The following TTLL5 variants were observed in gnomAD, a reference collection of about 807,000 sequenced individuals.
The protein encoded by TTLL5 is tubulin polyglutamylase TTLL5.
TTLL5 carries 132 observed loss-of-function variants against 168.4 expected under a neutral mutation model. The ratio of observed to expected loss-of-function variants is 0.78; its 90% CI spans 0.68 to 0.91. The LOEUF (loss-of-function observed/expected upper bound fraction) is 0.91. Ranked by LOEUF, TTLL5 falls within the 40% of genes least tolerant of loss-of-function variation. The pLI, the probability that TTLL5 is intolerant of heterozygous loss-of-function variation, is 0.00. For missense variants in TTLL5, 1,545 were observed against 1,581.5 expected (o/e 0.98, Z 0.39); for synonymous variants, 546 against 558.6 (o/e 0.98, Z 0.32).
intron 26 of TTLL5, among the ~76,000 whole-genome samples, chr14:75,791,502 A>G (rs1943617870): frequency 6.6e-6 from 1 of 152,072 alleles, no homozygotes; most frequent in African/African-American, 2.4e-5. Flanking sequence ...ATTATCTGGT[A>G]TTTTGTTTGT....
At chr14:75,727,839 C>T in intron 12 of TTLL5, 3 of 504,194 alleles carry the variant, frequency 6.0e-6, no homozygotes, top group Non-Finnish European at 1.2e-5. Flanking sequence ...AGAAATAAGA[C>T]TAGTCGTTGT....
chr14:75,773,903 A>ATACATATATATATATAT (rs1194006811), intron 21 of TTLL5, among the ~76,000 whole-genome samples: 3 of 74,732 alleles, frequency 4.0e-5, no homozygotes, highest in African/African-American at 1.3e-4. Flanking sequence ...AAAAAAAAAA[A>ATACATATATATATATAT]ATACATATAT....
At chr14:75,769,005 G>A (rs1195994304) in intron 20 of TTLL5, among the ~76,000 whole-genome samples, 2 of 152,196 alleles carry the variant, frequency 1.3e-5, no homozygotes, top group Non-Finnish European at 2.9e-5. Context: ...AGTTAGACAA[G>A]TGTTTTTTCA....
chr14:75,775,450 CT>C lies in TTLL5; in HGVS notation c.2137-25del, dbSNP rs555833874. ...CTTCTGTTGCTTAGCACCATCCCTC[CT>C]TTTTTTTTCTCCCACGACTCTTTAA... On this transcript the variant is annotated intron_variant, in intron 21 of 31. Coordinates refer to ENST00000298832, the MANE Select transcript of TTLL5 (RefSeq NM_015072.5). 4.2e-5 allele frequency: 67 copies of C among 1,584,932 alleles called. No individual in the cohort carries two copies. The Middle Eastern group carries it at 5.5e-4, about 13-fold the overall frequency.
chr14:75,673,738 C>G (rs1171672121), intron 3 of TTLL5, among the ~76,000 whole-genome samples: 1 of 152,050 alleles, frequency 6.6e-6, no homozygotes, highest in South Asian at 2.1e-4. Context: ...TTGTCTTGTC[C>G]CTTAATAAGT....
At chr14:75,681,330 A>G (rs905754596) in intron 3 of TTLL5, among the ~76,000 whole-genome samples, 23 of 152,342 alleles carry the variant, frequency 1.5e-4, no homozygotes, top group African/African-American at 5.1e-4. Context: ...GAAACTAGTG[A>G]AAACCAAGGT....
chr14:75,907,760 C>T lies in TTLL5; in HGVS notation c.3823+5536C>T, dbSNP rs28641824. Among the ~76,000 whole-genome samples, 610 of 152,340 alleles carry T rather than the reference C, an allele frequency of 4.0e-3. 3 individuals are homozygous for T. Among genetic ancestry groups the T allele is most frequent in the African/African-American group, 0.014 (594 of 41,582 alleles). On this transcript the variant is annotated intron_variant, in intron 31 of 31. Transcript: ENST00000298832. ...TTTTGGTAATTCTTAGCCAATGGCCCTTTAATTCTGATACTAAGCAGCCTG... is the reference window on the plus strand; with the variant it reads ...TTTTGGTAATTCTTAGCCAATGGCCTTTTAATTCTGATACTAAGCAGCCTG...
chr14:75,758,580 G>A (rs1211561432), intron 18 of TTLL5, among the ~76,000 whole-genome samples: 2 of 152,118 alleles, frequency 1.3e-5, no homozygotes, highest in Non-Finnish European at 2.9e-5. Flanking sequence ...ATTTTATATT[G>A]CCATCAATAG....
At chr14:75,665,371 A>T (rs1309152166) in intron 2 of TTLL5, among the ~76,000 whole-genome samples, 1 of 152,190 alleles carries the variant, frequency 6.6e-6, no homozygotes, top group Non-Finnish European at 1.5e-5. Context: ...GGTCGGGGGT[A>T]CTGGGAAGCA....
At chr14:75,875,245 C>T (rs1178116926) in intron 29 of TTLL5, among the ~76,000 whole-genome samples, 1 of 148,040 alleles carries the variant, frequency 6.8e-6, no homozygotes, top group Non-Finnish European at 1.5e-5. Context: ...TATTTTTTAA[C>T]TCAAAAATCT....
At chr14:75,930,761 A>C (rs2034250856) in intron 31 of TTLL5, 1 of 483,370 alleles carries the variant, frequency 2.1e-6, no homozygotes, top group South Asian at 8.9e-5. Flanking sequence ...ATTAAGTTCT[A>C]AGATCAACCT....
At chr14:75,816,842 G>A (rs1894441343) in intron 27 of TTLL5, among the ~76,000 whole-genome samples, 1 of 152,054 alleles carries the variant, frequency 6.6e-6, no homozygotes, top group South Asian at 2.1e-4. Context: ...AGGAGTACAG[G>A]GAGTCTGGTT....
At chr14:75,766,793 G>A (rs1890989064) in intron 20 of TTLL5, among the ~76,000 whole-genome samples, 1 of 152,134 alleles carries the variant, frequency 6.6e-6, no homozygotes, top group African/African-American at 2.4e-5. Flanking sequence ...TTTGAATCAG[G>A]CCTTGACAGA....
intron 9 of TTLL5, among the ~76,000 whole-genome samples, chr14:75,716,482 G>A (rs1020686827): frequency 6.6e-6 from 1 of 152,196 alleles, no homozygotes; most frequent in African/African-American, 2.4e-5. Context: ...AGAAGAAACA[G>A]AGAAGAGGAA....
chr14:75,736,658 C>G (rs1027136956), intron 15 of TTLL5, among the ~76,000 whole-genome samples: 3 of 152,130 alleles, frequency 2.0e-5, no homozygotes, highest in African/African-American at 4.8e-5. Flanking sequence ...GTATTGGCAG[C>G]CACTTCATTA....
At chr14:75,789,731 G>C (rs960191179) in intron 26 of TTLL5, among the ~76,000 whole-genome samples, 6 of 152,020 alleles carry the variant, frequency 3.9e-5, no homozygotes, top group African/African-American at 1.4e-4. Context: ...TTAAATAAAT[G>C]GATAAATATA....
intron 2 of TTLL5, among the ~76,000 whole-genome samples, chr14:75,667,841 A>G (rs1594838187): frequency 2.1e-5 from 3 of 143,306 alleles, no homozygotes; most frequent in Non-Finnish European, 3.0e-5. Context: ...GTTCACTGCA[A>G]CCTCCGCCTC....
intron 28 of TTLL5, among the ~76,000 whole-genome samples, chr14:75,829,718 G>A (rs1171375015): frequency 6.6e-6 from 1 of 152,140 alleles, no homozygotes; most frequent in African/African-American, 2.4e-5. Context: ...TCAGTCCCAG[G>A]TGTATAGGCT....
At chr14:75,889,428 G>A (rs1488738967) in intron 30 of TTLL5, among the ~76,000 whole-genome samples, 1 of 152,152 alleles carries the variant, frequency 6.6e-6, no homozygotes, top group African/African-American at 2.4e-5. Context: ...GCCCTACAGA[G>A]ATCTTGTGGA....
Sources: gnomAD v4.1 joint callset for allele counts (sites outside exome capture counted in the v4.1 genomes callset) on GRCh38, gnomAD v4.1.1 for gene constraint, MANE v1.5 for transcripts, NCBI Gene and HGNC (gene_info 2026-07-23, HGNC 2026-07-21) for gene names.